Variants in SH3RF3 observed in about 807,000 individuals in gnomAD.
SH3RF3 encodes E3 ubiquitin-protein ligase SH3RF3.
SH3RF3 carries 29 observed loss-of-function variants against 66.3 expected under a neutral mutation model. The ratio of observed to expected loss-of-function variants is 0.44; its 90% CI spans 0.33 to 0.60. SH3RF3 has a LOEUF of 0.60. Ranked by LOEUF, SH3RF3 falls within the 20% of genes least tolerant of loss-of-function variation. The pLI, the probability that SH3RF3 is intolerant of heterozygous loss-of-function variation, is 0.04. For synonymous variants in SH3RF3, 583 were observed against 532.0 expected (o/e 1.10, Z -1.32); for missense variants, 1,194 against 1,190.9 (o/e 1.00, Z -0.04).
intron 8 of SH3RF3, among the ~76,000 whole-genome samples, chr2:109,452,788 CCTGGGAGGCTGGTG>C (rs999462474): frequency 6.6e-5 from 10 of 151,192 alleles, no homozygotes; most frequent in African/African-American, 9.7e-5. Flanking sequence ...GAGGCTGGTC[CCTGGGAGGCTGGTG>C]CTGGGAGGCT....
At chr2:109,485,922 CA>C (rs1678964957) in intron 8 of SH3RF3, among the ~76,000 whole-genome samples, 4 of 152,268 alleles carry the variant, frequency 2.6e-5, no homozygotes, top group Admixed American at 2.6e-4. Flanking sequence ...ACACACCTAC[CA>C]GCACCTGGCT....
intron 1 of SH3RF3, among the ~76,000 whole-genome samples, chr2:109,136,001 A>T (rs948062159): frequency 1.3e-5 from 2 of 152,188 alleles, no homozygotes; most frequent in Non-Finnish European, 2.9e-5. Context: ...TCCGTAGGAC[A>T]CAATAGCTTG....
At chr2:109,364,640 G>T (rs898499693) in intron 2 of SH3RF3, among the ~76,000 whole-genome samples, 1 of 152,198 alleles carries the variant, frequency 6.6e-6, no homozygotes, top group Admixed American at 6.5e-5. Flanking sequence ...TATAGTCCTG[G>T]GATCAGGTCT....
At chr2:109,424,679 C>T (rs1016868490) in intron 5 of SH3RF3, among the ~76,000 whole-genome samples, 1 of 152,128 alleles carries the variant, frequency 6.6e-6, no homozygotes, top group Non-Finnish European at 1.5e-5. Context: ...TTTTGGGCAC[C>T]ATGGACCATG....
At chr2:109,142,610 G>T (rs934028793) in intron 1 of SH3RF3, among the ~76,000 whole-genome samples, 2 of 152,152 alleles carry the variant, frequency 1.3e-5, no homozygotes, top group Non-Finnish European at 2.9e-5. Flanking sequence ...AAGCCTCTCT[G>T]GGTTCTCTGG....
intron 2 of SH3RF3, among the ~76,000 whole-genome samples, chr2:109,364,278 T>A (rs1683114296): frequency 6.6e-6 from 1 of 152,182 alleles, no homozygotes; most frequent in South Asian, 2.1e-4. Context: ...AATAAGCACG[T>A]CGAAGGCATT....
chr2:109,366,992 C>CG (rs1559045536), intron 2 of SH3RF3, among the ~76,000 whole-genome samples: 2 of 152,008 alleles, frequency 1.3e-5, no homozygotes, highest in African/African-American at 4.8e-5. Context: ...GTCTCATTCT[C>CG]GCCCAGGCTG....
At chr2:109,425,745 T>C (rs2104543754) in intron 5 of SH3RF3, among the ~76,000 whole-genome samples, 1 of 152,340 alleles carries the variant, frequency 6.6e-6, no homozygotes, top group South Asian at 2.1e-4. Flanking sequence ...GCCAGTGTAC[T>C]TGGTTATTCA....
intron 2 of SH3RF3, among the ~76,000 whole-genome samples, chr2:109,352,765 C>T (rs112898180): frequency 0.029 from 4,389 of 152,248 alleles, 157 homozygotes; most frequent in African/African-American, 0.089. Context: ...ATGCCTCCCA[C>T]GAAGGAGGCT....
chr2:109,298,791 C>G (rs549815839), intron 1 of SH3RF3, among the ~76,000 whole-genome samples: 102 of 152,330 alleles, frequency 6.7e-4, no homozygotes, highest in Non-Finnish European at 1.1e-3. Flanking sequence ...CTCTGTGTCT[C>G]TCCCCAGGAT....
intron 4 of SH3RF3, among the ~76,000 whole-genome samples, chr2:109,413,506 A>G (rs963760921): frequency 2.0e-5 from 3 of 151,314 alleles, no homozygotes; most frequent in South Asian, 2.1e-4. Context: ...GTCTCTTTCT[A>G]TCTCTGTCTG....
At chr2:109,263,732 C>T (rs946743686) in intron 1 of SH3RF3, among the ~76,000 whole-genome samples, 2 of 152,060 alleles carry the variant, frequency 1.3e-5, no homozygotes, top group East Asian at 1.9e-4. Flanking sequence ...TTTGGGAGGC[C>T]GAGGTGGGCA....
intron 1 of SH3RF3, among the ~76,000 whole-genome samples, chr2:109,157,477 A>G (rs1677373945): frequency 6.6e-6 from 1 of 152,234 alleles, no homozygotes; most frequent in Non-Finnish European, 1.5e-5. Flanking sequence ...CTGCATTTCC[A>G]TACTCTCTGG....
At chr2:109,501,339 T>A (rs1291856180) in intron 9 of SH3RF3, among the ~76,000 whole-genome samples, 164 bp from the exon 10 acceptor site, 1 of 151,974 alleles carries the variant, frequency 6.6e-6, no homozygotes, top group East Asian at 1.9e-4. Context: ...AAATGAAAAA[T>A]TTCCAGAGTT....
At chr2:109,130,776 T>G (rs1336589553) in intron 1 of SH3RF3, among the ~76,000 whole-genome samples, 1 of 152,174 alleles carries the variant, frequency 6.6e-6, no homozygotes, top group Non-Finnish European at 1.5e-5. Flanking sequence ...TTTATTATTA[T>G]TATTTTTGGT....
At chr2:109,287,001 A>C (rs1681044152) in intron 1 of SH3RF3, among the ~76,000 whole-genome samples, 1 of 152,150 alleles carries the variant, frequency 6.6e-6, no homozygotes, top group Admixed American at 6.5e-5. Flanking sequence ...GGGACGTGCA[A>C]CTGTCCCTGT....
chr2:109,447,609 A>G (rs1314447654), intron 7 of SH3RF3, among the ~76,000 whole-genome samples: 3 of 152,146 alleles, frequency 2.0e-5, no homozygotes, highest in African/African-American at 7.2e-5. Flanking sequence ...TCTGATGCTC[A>G]GCCCAGGTCT....
intron 1 of SH3RF3, among the ~76,000 whole-genome samples, chr2:109,159,989 T>C (rs1299841010): frequency 6.6e-6 from 1 of 152,232 alleles, no homozygotes; most frequent in Non-Finnish European, 1.5e-5. Context: ...ACAATAAATG[T>C]GATGCGCTTG....
chr2:109,381,265 G>A (rs1284692523), intron 3 of SH3RF3, among the ~76,000 whole-genome samples: 2 of 152,230 alleles, frequency 1.3e-5, no homozygotes, highest in African/African-American at 2.4e-5. Context: ...GGAAGTAACT[G>A]AGCTCCAATC....
Sources: allele counts gnomAD v4.1 joint callset (sites outside exome capture counted in the v4.1 genomes callset), GRCh38; gene constraint gnomAD v4.1.1; transcripts MANE v1.5; gene names NCBI Gene and HGNC (gene_info 2026-07-23, HGNC 2026-07-21).